The following LAMA2 variants were observed in gnomAD, a reference collection of about 807,000 sequenced individuals.
LAMA2 encodes laminin subunit alpha 2.
A neutral mutation model predicts 364.8 loss-of-function variants in LAMA2; 269 were observed. That is an observed-to-expected ratio of 0.74 (90% CI 0.67 to 0.82). The LOEUF is 0.82. Among genes scored for constraint, LAMA2 ranks in the 40% least tolerant of loss-of-function variants. The pLI is 0.00. For synonymous variants in LAMA2, 1,379 were observed against 1,370.6 expected (o/e 1.01, Z -0.14); for missense variants, 3,807 against 3,873.2 (o/e 0.98, Z 0.45).
intron 10 of LAMA2, among the ~76,000 whole-genome samples, chr6:129,185,726 G>C (rs1021472244): frequency 6.6e-6 from 1 of 151,738 alleles, no homozygotes; most frequent in African/African-American, 2.4e-5. Flanking sequence ...GAAAACACTA[G>C]TCTAAAGTGA....
intron 1 of LAMA2, 64 bp downstream of exon 1, chr6:128,883,421 A>G: frequency 4.5e-6 from 7 of 1,543,318 alleles, no homozygotes; most frequent in Non-Finnish European, 5.2e-6. Flanking sequence ...CACTTCTTCC[A>G]CTCTTCCGAG....
In LAMA2 at chr6:129,291,756, C is replaced by T. The variant is rs768954591; in HGVS notation, c.2856+36C>T. On this transcript the variant is annotated intron_variant, in intron 20 of 64. Coordinates refer to ENST00000421865, the MANE Select transcript of LAMA2 (RefSeq NM_000426.4). ...GAGGCTGACCCATAAATTACTTTCT[C>T]CTTACAGATTTTCACTGGCTTTTCA... is the stretch of plus-strand genomic sequence containing the variant. The T allele has an allele frequency of 5.7e-6, 8 of 1,397,034 alleles. No individual in the cohort carries two copies. In the African/African-American group the frequency reaches 8.5e-5, roughly 15 times the overall value. 86.5% of individuals were successfully genotyped at this position (1,397,034 alleles called of 1,614,324 possible). A position where few individuals can be genotyped will look rare whatever the true frequency, so the allele number is the denominator to read the frequency against.
At chr6:129,369,801 A>G (rs961969549) in intron 33 of LAMA2, 91 bp from the exon 34 acceptor site, 6 of 1,077,626 alleles carry the variant, frequency 5.6e-6, no homozygotes, top group East Asian at 2.4e-5. Flanking sequence ...GAGAAGGCTA[A>G]GTTCCTTTTA....
At chr6:129,504,160 C>T (rs926150342) in intron 60 of LAMA2, among the ~76,000 whole-genome samples, 10 of 152,262 alleles carry the variant, frequency 6.6e-5, no homozygotes, top group African/African-American at 1.2e-4. Flanking sequence ...CCTTAAAAAA[C>T]GCGAAGCCAA....
intron 1 of LAMA2, among the ~76,000 whole-genome samples, chr6:128,949,427 T>C (rs1363651155): frequency 6.6e-6 from 1 of 150,976 alleles, no homozygotes; most frequent in African/African-American, 2.4e-5. Context: ...ATTAACCCTA[T>C]CGAAGGTCAG....
chr6:129,366,425 T>G, intron 33 of LAMA2, 64 bp downstream of exon 33: 155 of 1,546,184 alleles, frequency 1.0e-4, no homozygotes, highest in Middle Eastern at 2.2e-4. Flanking sequence ...CAAGCGGTAT[T>G]GGCTGTAATT....
chr6:129,405,106 A>G (rs556904680), intron 40 of LAMA2, among the ~76,000 whole-genome samples: 40 of 152,076 alleles, frequency 2.6e-4, no homozygotes, highest in Non-Finnish European at 5.4e-4. Flanking sequence ...ATTTTAATCC[A>G]TCTTCTGTTA....
At chr6:129,155,696 T>C (rs1318206422) in intron 8 of LAMA2, among the ~76,000 whole-genome samples, 4 of 152,144 alleles carry the variant, frequency 2.6e-5, no homozygotes, top group Non-Finnish European at 5.9e-5. Context: ...TGGATCAATT[T>C]CTAGAACCTC....
intron 31 of LAMA2, among the ~76,000 whole-genome samples, chr6:129,351,639 A>G (rs1449272669): frequency 6.6e-6 from 1 of 152,182 alleles, no homozygotes; most frequent in East Asian, 1.9e-4. Context: ...CAGACTGATC[A>G]GGTTAGGTCT....
chr6:128,915,240 C>T (rs1778234864), intron 1 of LAMA2, among the ~76,000 whole-genome samples: 1 of 152,118 alleles, frequency 6.6e-6, no homozygotes, highest in Non-Finnish European at 1.5e-5. Context: ...TTCACTCAGA[C>T]ATTGACATAA....
intron 1 of LAMA2, among the ~76,000 whole-genome samples, chr6:128,928,562 G>A (rs748733432): frequency 6.6e-6 from 1 of 152,186 alleles, no homozygotes; most frequent in Non-Finnish European, 1.5e-5. Context: ...TTCAAGGAGA[G>A]GGAAGGAGGT....
rs113605011 is a variant in LAMA2 at position 129,513,429 on chromosome 6, T to C, written c.8988+936T>C. ...CTCTTAAGGGCAGTTACCATCGATA[T>C]GTCACTATCATGTGCGTTTCTCACC... On this transcript the variant is annotated intron_variant, in intron 63 of 64. Coordinates refer to ENST00000421865, the MANE Select transcript of LAMA2 (RefSeq NM_000426.4). 4.1e-3 allele frequency among the ~76,000 whole-genome samples: 629 copies of C among 152,338 alleles called. 3 individuals carry two copies. Among genetic ancestry groups the C allele is most frequent in the African/African-American group, 0.014 (588 of 41,574 alleles).
intron 12 of LAMA2, among the ~76,000 whole-genome samples, chr6:129,237,949 T>A (rs1365530943): frequency 2.0e-5 from 3 of 149,130 alleles, no homozygotes; most frequent in African/African-American, 7.4e-5. Context: ...CCTGAGGCCA[T>A]GAGTTCGAGA....
chr6:129,391,181 G>GT (rs1177774521), intron 35 of LAMA2, among the ~76,000 whole-genome samples: 3 of 151,762 alleles, frequency 2.0e-5, no homozygotes, highest in African/African-American at 2.4e-5. Flanking sequence ...ACAGGTCACT[G>GT]TTTTTTTTAA....
intron 1 of LAMA2, among the ~76,000 whole-genome samples, chr6:128,922,207 C>T (rs2114490462): frequency 6.6e-6 from 1 of 151,380 alleles, no homozygotes; most frequent in South Asian, 2.1e-4. Flanking sequence ...ATTTATAGTC[C>T]TTTGGGTATA....
intron 17 of LAMA2, among the ~76,000 whole-genome samples, chr6:129,271,114 A>G (rs1166747806): frequency 1.3e-5 from 2 of 152,148 alleles, no homozygotes; most frequent in Non-Finnish European, 2.9e-5. Context: ...AAAAGGATAT[A>G]AATACAGCTA....
In LAMA2 at chr6:129,125,526, A is replaced by C. The variant is rs116332737; in HGVS notation, c.640-18375A>C. ...CAAGCACACACAGTTTTGGACACAG[A>C]GATTTCCCATAAGAGCATTGCAAAC... is the stretch of plus-strand genomic sequence containing the variant. On this transcript the variant is annotated intron_variant, in intron 4 of 64. Coordinates refer to ENST00000421865, the MANE Select transcript of LAMA2 (RefSeq NM_000426.4). Among the ~76,000 whole-genome samples the C allele has an allele frequency of 3.0e-3, 454 of 152,306 alleles. 3 individuals are homozygous for C. Among genetic ancestry groups the C allele is most frequent in the African/African-American group, 0.01 (434 of 41,566 alleles).
chr6:129,126,961 G>A (rs754032908), intron 4 of LAMA2, among the ~76,000 whole-genome samples: 6 of 152,172 alleles, frequency 3.9e-5, no homozygotes, highest in Admixed American at 6.5e-5. Context: ...CAGCGACTTC[G>A]GAGGTTGAGC....
intron 9 of LAMA2, among the ~76,000 whole-genome samples, chr6:129,167,084 T>A (rs1779792690): frequency 6.6e-6 from 1 of 152,180 alleles, no homozygotes; most frequent in Non-Finnish European, 1.5e-5. Context: ...AATAAAATAA[T>A]AAGTGTCCTC....
Sources: allele counts gnomAD v4.1 joint callset (sites outside exome capture counted in the v4.1 genomes callset), GRCh38; gene constraint gnomAD v4.1.1; transcripts MANE v1.5; gene names NCBI Gene and HGNC (gene_info 2026-07-23, HGNC 2026-07-21).